The following TACC2 variants were observed in gnomAD, a reference collection of about 807,000 sequenced individuals.
TACC2 encodes transforming acidic coiled-coil-containing protein 2.
In TACC2, 137 loss-of-function variants were observed where a neutral mutation model predicts 227.3. That is an observed-to-expected ratio of 0.60 (90% CI 0.52 to 0.69). The LOEUF is 0.69. Ranked by LOEUF, TACC2 falls within the 30% of genes least tolerant of loss-of-function variation. The pLI is 0.00. For synonymous variants in TACC2, 1,523 were observed against 1,487.5 expected (o/e 1.02, Z -0.55); for missense variants, 3,470 against 3,694.4 (o/e 0.94, Z 1.57).
intron 7 of TACC2, among the ~76,000 whole-genome samples, chr10:122,158,931 C>G (rs2092656895): frequency 6.6e-6 from 1 of 152,234 alleles, no homozygotes; most frequent in South Asian, 2.1e-4. Flanking sequence ...TTATGGGGCT[C>G]TGGCTGTGCT....
rs537169387 is a variant in TACC2, at chr10:122,041,441, C to CT, written c.34-8982dup. 5.2e-4 allele frequency among the ~76,000 whole-genome samples: 73 copies of CT among 140,172 alleles called. 4 individuals carry two copies. The highest frequency in any genetic ancestry group is 1.3e-3 in the South Asian group (6 of 4,494). The allele number at this position is 140,172 out of a possible 152,430, so 92.0% of individuals were successfully genotyped here. A position where few individuals can be genotyped will look rare whatever the true frequency, so the allele number is the denominator to read the frequency against. On this transcript the variant is annotated intron_variant, in intron 2 of 22. Transcript: ENST00000369005. The stretch of plus-strand genomic sequence containing the variant: ...TTCATGACAGCACAGAGTTTCCTTT[C>CT]TTTTTTTTTTTTTTTCTCGTAACGA...
chr10:122,195,235 A>T, intron 8 of TACC2, 59 bp downstream of exon 8: 1 of 1,478,870 alleles, frequency 6.8e-7, no homozygotes, highest in South Asian at 1.3e-5. Flanking sequence ...CCTGGGGGAG[A>T]TTTGCAGCAG....
intron 3 of TACC2, among the ~76,000 whole-genome samples, chr10:122,066,266 C>A: frequency 6.8e-6 from 1 of 148,080 alleles, no homozygotes; most frequent in East Asian, 2.1e-4. Context: ...TGCCACCATG[C>A]CCAGCTATTT....
At chr10:122,062,842 C>T (rs562650614) in intron 3 of TACC2, among the ~76,000 whole-genome samples, 5 of 152,286 alleles carry the variant, frequency 3.3e-5, no homozygotes, top group East Asian at 1.9e-4. Flanking sequence ...TTTGTGGAAT[C>T]GGTCTGCTGC....
At chr10:121,991,377 G>A (rs556084521) in intron 1 of TACC2, among the ~76,000 whole-genome samples, 119 of 152,218 alleles carry the variant, frequency 7.8e-4, no homozygotes, top group African/African-American at 2.4e-3. Flanking sequence ...TGCGCTGTCC[G>A]CCACATGCTA....
At chr10:122,215,509 G>T (rs1489436092) in intron 10 of TACC2, 58 bp downstream of exon 10, 9 of 1,429,400 alleles carry the variant, frequency 6.3e-6, no homozygotes, top group Non-Finnish European at 9.9e-7. Flanking sequence ...GGTTTTCTTC[G>T]CTTGTTGACA....
intron 3 of TACC2, among the ~76,000 whole-genome samples, chr10:122,054,225 C>T (rs747942303): frequency 2.0e-5 from 3 of 152,220 alleles, no homozygotes; most frequent in Non-Finnish European, 2.9e-5. Flanking sequence ...CACGTGGTGG[C>T]GCTGTTGTAA....
At chr10:122,003,706 A>T (rs1458056921) in intron 1 of TACC2, among the ~76,000 whole-genome samples, 1 of 150,872 alleles carries the variant, frequency 6.6e-6, no homozygotes, top group Admixed American at 6.6e-5. Context: ...CCCAGGCTGG[A>T]GTGCAATGGC....
intron 6 of TACC2, among the ~76,000 whole-genome samples, chr10:122,133,096 T>G (rs1421804229): frequency 6.6e-6 from 1 of 152,094 alleles, no homozygotes; most frequent in African/African-American, 2.4e-5. Flanking sequence ...CAGGGAACGG[T>G]TGAGTTAGCT....
intron 1 of TACC2, among the ~76,000 whole-genome samples, chr10:121,999,747 C>T (rs566278082): frequency 1.3e-5 from 2 of 152,176 alleles, no homozygotes; most frequent in Non-Finnish European, 2.9e-5. Flanking sequence ...TCTACATACA[C>T]TGATGTCAAT....
At chr10:122,048,415 C>CCCTT (rs113720293) in intron 2 of TACC2, among the ~76,000 whole-genome samples, 28,808 of 130,890 alleles carry the variant, frequency 0.22, 4,025 homozygotes, top group Middle Eastern at 0.3. Flanking sequence ...CTCCCTCCCT[C>CCCTT]CCTTCCTTCC....
chr10:122,228,897 C>G (rs890905059), intron 14 of TACC2, among the ~76,000 whole-genome samples: 7 of 152,142 alleles, frequency 4.6e-5, no homozygotes, highest in Non-Finnish European at 8.8e-5. Context: ...TCTTTCTGAT[C>G]TATCAGAAGA....
intron 5 of TACC2, among the ~76,000 whole-genome samples, chr10:122,101,551 C>CTT (rs34331470): frequency 1.1e-4 from 5 of 47,134 alleles, no homozygotes; most frequent in African/African-American, 3.1e-4. Flanking sequence ...AAAACCCCAT[C>CTT]TTTTTTTTTT....
chr10:122,078,954 T>C (rs2079141701), intron 3 of TACC2: 1 of 152,236 alleles, frequency 6.6e-6, no homozygotes, highest in Non-Finnish European at 1.5e-5. Context: ...GATGCCAAAA[T>C]ATAATTTATC....
At chr10:122,049,465 A>G (rs1591460524) in intron 2 of TACC2, among the ~76,000 whole-genome samples, 2 of 152,160 alleles carry the variant, frequency 1.3e-5, no homozygotes, top group East Asian at 1.9e-4. Context: ...TCCAGTGGGC[A>G]GGGACATGGG....
chr10:122,004,560 G>T (rs1954828044), intron 1 of TACC2, among the ~76,000 whole-genome samples: 1 of 152,078 alleles, frequency 6.6e-6, no homozygotes, highest in Non-Finnish European at 1.5e-5. Flanking sequence ...ACCTAGACCA[G>T]TGACTCCTCT....
intron 8 of TACC2, among the ~76,000 whole-genome samples, chr10:122,196,088 A>T (rs1279709879): frequency 1.3e-5 from 2 of 152,228 alleles, no homozygotes; most frequent in Admixed American, 1.3e-4. Flanking sequence ...CCCGAGGGCA[A>T]ACTGTACCTG....
chr10:122,189,349 C>A (rs1034038145), intron 7 of TACC2, among the ~76,000 whole-genome samples: 1 of 152,158 alleles, frequency 6.6e-6, no homozygotes, highest in Non-Finnish European at 1.5e-5. Context: ...GATCTGTCGC[C>A]GAGGGCTCAG....
At chr10:122,130,739 A>G (rs569476201) in intron 5 of TACC2, among the ~76,000 whole-genome samples, 1 of 152,314 alleles carries the variant, frequency 6.6e-6, no homozygotes, top group South Asian at 2.1e-4. Context: ...TAGTTTTTAC[A>G]TCTGTAAAGT....
Sources: allele counts gnomAD v4.1 joint callset (sites outside exome capture counted in the v4.1 genomes callset), GRCh38; gene constraint gnomAD v4.1.1; transcripts MANE v1.5; gene names NCBI Gene and HGNC (gene_info 2026-07-23, HGNC 2026-07-21).